Variants in NCOR1 observed in about 807,000 individuals in gnomAD.
NCOR1 encodes nuclear receptor corepressor 1, also known as protein phosphatase 1, regulatory subunit 109.
In NCOR1, 63 loss-of-function variants were observed where a neutral mutation model predicts 288.1. That is an observed-to-expected ratio of 0.22 (90% confidence interval 0.18 to 0.27). The LOEUF is 0.27. NCOR1 is among the 10% of genes least tolerant of loss of function. The probability of loss-of-function intolerance (pLI) is 1.00; values close to 1 mark genes in which losing one functional copy is unlikely to be tolerated. For synonymous variants in NCOR1, 1,007 were observed against 1,065.9 expected (o/e 0.94, Z 1.08); for missense variants, 2,397 against 3,019.2 (o/e 0.79, Z 4.83).
chr17:16,111,626 A>C (rs1192641666), intron 18 of NCOR1, among the ~76,000 whole-genome samples: 1 of 151,352 alleles, frequency 6.6e-6, no homozygotes, highest in Non-Finnish European at 1.5e-5. Flanking sequence ...AATAAAAATT[A>C]AAATTAAAAA....
intron 10 of NCOR1, 94 bp downstream of exon 10, chr17:16,146,282 G>C: frequency 8.7e-7 from 1 of 1,155,344 alleles, no homozygotes; most frequent in East Asian, 2.6e-5. Flanking sequence ...AAACACCCAA[G>C]AATGATCAAT....
At chr17:16,147,855 G>T (rs957619656) in intron 9 of NCOR1, among the ~76,000 whole-genome samples, 3 of 151,972 alleles carry the variant, frequency 2.0e-5, no homozygotes, top group Non-Finnish European at 4.4e-5. Context: ...TTTCACTCTT[G>T]TTGCCCAGGC....
At chr17:16,165,964 C>T (rs2081936190) in intron 4 of NCOR1, among the ~76,000 whole-genome samples, 1 of 152,172 alleles carries the variant, frequency 6.6e-6, no homozygotes, top group Non-Finnish European at 1.5e-5. Context: ...CACAGGATTA[C>T]AGAACCCTAA....
intron 18 of NCOR1, among the ~76,000 whole-genome samples, chr17:16,116,847 C>T (rs898962632): frequency 6.6e-6 from 1 of 152,236 alleles, no homozygotes; most frequent in African/African-American, 2.4e-5. Flanking sequence ...TAAGAAAAAA[C>T]TGCAAATGCT....
chr17:16,147,671 C>T (rs1340650097), intron 9 of NCOR1, among the ~76,000 whole-genome samples: 1 of 152,082 alleles, frequency 6.6e-6, no homozygotes, highest in Non-Finnish European at 1.5e-5. Flanking sequence ...CACCACACCC[C>T]ACTCCCACTT....
At chr17:16,132,247 A>G (rs1219360423) in intron 14 of NCOR1, among the ~76,000 whole-genome samples, 1 of 152,234 alleles carries the variant, frequency 6.6e-6, no homozygotes. Flanking sequence ...AATGAAGAAT[A>G]TGGTTTCTAA....
chr17:16,033,223 T>C (rs1323360352), intron 45 of NCOR1, among the ~76,000 whole-genome samples: 3 of 150,482 alleles, frequency 2.0e-5, no homozygotes, highest in Non-Finnish European at 4.4e-5. Flanking sequence ...TAATCCCAGC[T>C]AGTCGGGAGG....
At chr17:16,186,819 T>A in intron 2 of NCOR1, 132 bp from the exon 3 acceptor site, 1 of 745,822 alleles carries the variant, frequency 1.3e-6, no homozygotes, top group Non-Finnish European at 2.2e-6. Context: ...CAATCCTTCA[T>A]TGATCTAATT....
intron 21 of NCOR1, among the ~76,000 whole-genome samples, chr17:16,097,037 G>A (rs2066753345): frequency 6.6e-6 from 1 of 152,164 alleles, no homozygotes; most frequent in African/African-American, 2.4e-5. Context: ...GACAAATACT[G>A]TATGATTTCA....
chr17:16,135,807 C>T (rs1457303220), intron 14 of NCOR1, among the ~76,000 whole-genome samples: 2 of 152,184 alleles, frequency 1.3e-5, no homozygotes, highest in African/African-American at 2.4e-5. Context: ...GCTGTGAATA[C>T]TGAGAGAACT....
At chr17:16,196,080 T>C (rs1429881972) in intron 1 of NCOR1, among the ~76,000 whole-genome samples, 2 of 150,414 alleles carry the variant, frequency 1.3e-5, no homozygotes, top group African/African-American at 4.9e-5. Flanking sequence ...TATTATTACC[T>C]AATTGGGTGG....
At chr17:16,046,862 C>T in intron 42 of NCOR1, 89 bp downstream of exon 42, 1 of 1,466,276 alleles carries the variant, frequency 6.8e-7, no homozygotes, top group Non-Finnish European at 9.3e-7. Flanking sequence ...AAAGAGCCTT[C>T]AAACTCAAGC....
intron 16 of NCOR1, 68 bp from the exon 17 acceptor site, chr17:16,119,553 T>C (rs767322909): frequency 1.1e-5 from 11 of 1,037,214 alleles, no homozygotes; most frequent in Non-Finnish European, 1.4e-5. Context: ...AAACCAATCA[T>C]ATAATTATAT....
Position 16,061,604 on chromosome 17 carries a change from TG to T in NCOR1, c.5677del (p.Gln1893SerfsTer6). 6.2e-7 allele frequency: 1 copy of T among 1,614,246 alleles called. No homozygotes were observed. ...AGAATAAACTACTGAAGAATGAGGC[TG>T]GGGCTTGCCACTTGGAAAGGCTGAA... Reference protein sequence around the residue: ...TSSAFPSGKPQPHSSVVYSEA... With the variant: ...TSSAFPSGKPXPHSSVVYSEA... On this transcript the variant is annotated frameshift_variant, in exon 37 of 46. Coordinates refer to ENST00000268712, the MANE Select transcript of NCOR1 (RefSeq NM_006311.4). LOFTEE classifies it high-confidence loss of function.
At chr17:16,207,127 C>T (rs1447975436) in intron 1 of NCOR1, among the ~76,000 whole-genome samples, 1 of 151,988 alleles carries the variant, frequency 6.6e-6, no homozygotes, top group Non-Finnish European at 1.5e-5. Context: ...TTCCAAATAC[C>T]TCCAAATACA....
chr17:16,032,664 T>C (rs1001159748), intron 45 of NCOR1, among the ~76,000 whole-genome samples, 181 bp from the exon 46 acceptor site: 2 of 152,188 alleles, frequency 1.3e-5, no homozygotes, highest in Non-Finnish European at 2.9e-5. Flanking sequence ...GCCAATGATA[T>C]ATAGCAGTCA....
chr17:16,118,582 T>C (rs1345184825), intron 17 of NCOR1, among the ~76,000 whole-genome samples: 1 of 152,194 alleles, frequency 6.6e-6, no homozygotes, highest in Non-Finnish European at 1.5e-5. Flanking sequence ...CTAATCAATA[T>C]ATATATGCAC....
Position 16,057,592 on chromosome 17 carries a change from G to C in NCOR1, c.6314C>G (p.Ser2105Cys), listed in dbSNP as rs2060082502. 1.2e-6 allele frequency: 2 copies of C among 1,614,164 alleles called. No individual in the cohort carries two copies. Among genetic ancestry groups the C allele is most frequent in the Non-Finnish European group, 1.7e-6 (2 of 1,180,022 alleles). Residue 2105 changes from serine (S) to cysteine (C), a missense_variant, in exon 40 of 46, where the codon TCC becomes TGC. Ser to Cys is a moderately radical substitution (Grantham distance 112, BLOSUM62 -1). Transcript: ENST00000268712. ...TKTSNRYSPE[S>C]QAQSVHHQRP... ...TTGATGATGGACAGACTGAGCCTGG[G>C]ATTCTGGGCTGTAACGGTTTGATGT...
At chr17:16,117,475 T>C (rs141624505) in intron 18 of NCOR1, among the ~76,000 whole-genome samples, 154 of 88,554 alleles carry the variant, frequency 1.7e-3, no homozygotes, top group African/African-American at 6.7e-3. Context: ...AAATATAAGA[T>C]ACAAAAAGGT....
Sources: gnomAD v4.1 joint callset for allele counts (sites outside exome capture counted in the v4.1 genomes callset) on GRCh38, gnomAD v4.1.1 for gene constraint, MANE v1.5 for transcripts, NCBI Gene and HGNC (gene_info 2026-07-23, HGNC 2026-07-21) for gene names.